Variants in PREX2 observed in about 807,000 individuals in gnomAD.
The protein encoded by PREX2 is phosphatidylinositol-3,4,5-trisphosphate dependent Rac exchange factor 2, also known as phosphatidylinositol 3,4,5-trisphosphate-dependent Rac exchanger 2 protein.
A neutral mutation model predicts 203.2 loss-of-function variants in PREX2; 107 were observed. The ratio of observed to expected loss-of-function variants is 0.53; its 90% CI spans 0.45 to 0.62. The LOEUF is 0.62. Among genes scored for constraint, PREX2 ranks in the 20% least tolerant of loss-of-function variants. The pLI is 0.00. For synonymous variants in PREX2, 672 were observed against 663.6 expected (o/e 1.01, Z -0.19); for missense variants, 1,777 against 1,955.9 (o/e 0.91, Z 1.72).
At chr8:68,069,992 C>G in intron 13 of PREX2, 108 bp downstream of exon 13, 1 of 551,650 alleles carries the variant, frequency 1.8e-6, no homozygotes, top group Non-Finnish European at 3.2e-6. Flanking sequence ...TTTTTTTTCA[C>G]TTTACTTTAA....
At chr8:67,957,134 G>A (rs1428254033) in intron 1 of PREX2, among the ~76,000 whole-genome samples, 3 of 152,192 alleles carry the variant, frequency 2.0e-5, no homozygotes, top group Non-Finnish European at 4.4e-5. Flanking sequence ...TCATTAGATA[G>A]AATTTTTGTT....
intron 39 of PREX2, among the ~76,000 whole-genome samples, chr8:68,228,566 T>C (rs1813097376): frequency 6.6e-6 from 1 of 151,846 alleles, no homozygotes; most frequent in Non-Finnish European, 1.5e-5. Flanking sequence ...ATCAAGACCA[T>C]CCTGGCTAAC....
chr8:68,063,254 G>A (rs1808912078), intron 11 of PREX2, among the ~76,000 whole-genome samples: 6 of 152,162 alleles, frequency 3.9e-5, no homozygotes, highest in Admixed American at 2.6e-4. Flanking sequence ...CAGAAATTGA[G>A]TAGTTGTTTA....
At chr8:68,069,242 T>A (rs1809116466) in intron 12 of PREX2, 106 bp downstream of exon 12, 1 of 630,358 alleles carries the variant, frequency 1.6e-6, no homozygotes, top group Middle Eastern at 2.5e-4. Flanking sequence ...GTTTAGAAAA[T>A]TCTTCGACTA....
In PREX2 at chr8:68,093,284, G is replaced by A. The variant is rs1585782738; in HGVS notation, c.2251-321G>A. Among the ~76,000 whole-genome samples the A allele has an allele frequency of 2.7e-5, 4 of 150,758 alleles. No individual in the cohort carries two copies. The South Asian group carries it at 8.4e-4, about 32-fold the overall frequency. On this transcript the variant is annotated intron_variant, in intron 20 of 39. Transcript: ENST00000288368. ...GCATGCCTGTAATGCCAGCTACTCA[G>A]TTGGTTGAGGCAGGAGAATCGCTTG...
intron 1 of PREX2, among the ~76,000 whole-genome samples, chr8:68,016,121 G>A (rs890503234): frequency 3.9e-5 from 6 of 152,126 alleles, no homozygotes; most frequent in Admixed American, 3.3e-4. Flanking sequence ...TTTGATATAA[G>A]TTATAACATG....
Position 68,232,607 on chromosome 8 carries a change from A to G in PREX2, c.*1229A>G, listed in dbSNP as rs904684237. On this transcript the variant is annotated 3_prime_UTR_variant, in exon 40 of 40. Transcript: ENST00000288368. ...TGCTTTTCATATCTAAATTATGTGCAAACTATTATTAATTTTTTTTTTATT... is the reference window on the plus strand; with the variant it reads ...TGCTTTTCATATCTAAATTATGTGCGAACTATTATTAATTTTTTTTTTATT... The G allele has an allele frequency of 2.0e-5, 3 of 152,024 alleles. No homozygotes were observed. The highest frequency in any genetic ancestry group is 7.2e-5 in the African/African-American group (3 of 41,404). 9.4% of individuals were successfully genotyped at this position (152,024 alleles called of 1,614,324 possible).
chr8:68,183,112 C>G (rs1276715196), intron 35 of PREX2, among the ~76,000 whole-genome samples: 1 of 151,932 alleles, frequency 6.6e-6, no homozygotes, highest in East Asian at 2.0e-4. Flanking sequence ...AAATGTGAGG[C>G]TTTTGGCACC....
At chr8:68,104,201 G>A (rs890775914) in intron 23 of PREX2, among the ~76,000 whole-genome samples, 1 of 152,028 alleles carries the variant, frequency 6.6e-6, no homozygotes, top group African/African-American at 2.4e-5. Flanking sequence ...GGTGGCCTTG[G>A]GTGAGCCACT....
At chr8:68,119,325 A>C in intron 27 of PREX2, 107 bp from the exon 28 acceptor site, 1 of 726,632 alleles carries the variant, frequency 1.4e-6, no homozygotes, top group Non-Finnish European at 2.4e-6. Flanking sequence ...ATGGAATAAC[A>C]GCTTGTGTTT....
At chr8:68,051,287 G>A (rs1808520338) in intron 8 of PREX2, among the ~76,000 whole-genome samples, 1 of 152,110 alleles carries the variant, frequency 6.6e-6, no homozygotes, top group Admixed American at 6.5e-5. Context: ...GTTTATGACT[G>A]TAGGCTACAT....
At position 68,232,038 on chromosome 8, in the gene PREX2, T is replaced by C. The variant is rs1246999338; in HGVS notation, c.*660T>C. 1 of 152,196 alleles carries C rather than the reference T, an allele frequency of 6.6e-6. No homozygotes were observed. The highest frequency in any genetic ancestry group is 6.5e-5 in the Admixed American group (1 of 15,274). 9.4% of individuals were successfully genotyped at this position (152,196 alleles called of 1,614,324 possible). A position where few individuals can be genotyped will look rare whatever the true frequency, so the allele number is the denominator to read the frequency against. ...TTCTTCTAGCTGCCTTTGGGCATCCTTTATTCTTGTGGACAGCTCTAGCAA... is the reference window on the plus strand; with the variant it reads ...TTCTTCTAGCTGCCTTTGGGCATCCCTTATTCTTGTGGACAGCTCTAGCAA... On this transcript the variant is annotated 3_prime_UTR_variant, in exon 40 of 40. Transcript: ENST00000288368.
intron 39 of PREX2, among the ~76,000 whole-genome samples, chr8:68,228,985 A>G (rs1374041092): frequency 6.6e-6 from 1 of 150,678 alleles, no homozygotes; most frequent in Non-Finnish European, 1.5e-5. Flanking sequence ...AAAAATGGCT[A>G]TGTGACCTTA....
chr8:67,997,936 T>A (rs1387276126), intron 1 of PREX2, among the ~76,000 whole-genome samples: 1 of 152,188 alleles, frequency 6.6e-6, no homozygotes, highest in Non-Finnish European at 1.5e-5. Context: ...ATTATTATTT[T>A]AAGATTTTTA....
rs866861214 is a variant in PREX2 at position 68,151,710 on chromosome 8, A to G, written c.4231+5358A>G. On this transcript the variant is annotated intron_variant, in intron 34 of 39. Transcript: ENST00000288368. ...TCCTGATGGTAGTTTGCCTTAAACC[A>G]AATAGGATATGTGATGCTGGTCTTT... 5.3e-5 allele frequency among the ~76,000 whole-genome samples: 8 copies of G among 152,106 alleles called. 1 individual carries two copies. The Middle Eastern group carries it at 0.017, about 323-fold the overall frequency.
At chr8:68,128,220 T>A (rs1330862908) in intron 31 of PREX2, among the ~76,000 whole-genome samples, 3 of 152,212 alleles carry the variant, frequency 2.0e-5, no homozygotes, top group African/African-American at 7.2e-5. Flanking sequence ...TTGAATGAGT[T>A]ACTTTTATTA....
At chr8:68,172,472 T>C (rs1349855925) in intron 35 of PREX2, among the ~76,000 whole-genome samples, 1 of 152,342 alleles carries the variant, frequency 6.6e-6, no homozygotes, top group South Asian at 2.1e-4. Flanking sequence ...TAGGTTATGA[T>C]AAATATTAAA....
chr8:68,102,946 C>T, intron 23 of PREX2: 1 of 517,078 alleles, frequency 1.9e-6, no homozygotes. Flanking sequence ...TAAAATTATG[C>T]CCTGTTGGGA....
At chr8:68,175,118 G>C (rs1811953155) in intron 35 of PREX2, among the ~76,000 whole-genome samples, 1 of 152,214 alleles carries the variant, frequency 6.6e-6, no homozygotes, top group East Asian at 1.9e-4. Context: ...GCACAGAACA[G>C]GAGCATTTAG....
Sources: gnomAD v4.1 joint callset for allele counts (sites outside exome capture counted in the v4.1 genomes callset) on GRCh38, gnomAD v4.1.1 for gene constraint, MANE v1.5 for transcripts, NCBI Gene and HGNC (gene_info 2026-07-23, HGNC 2026-07-21) for gene names.